The following RBBP4 variants were observed in gnomAD, a reference collection of about 807,000 sequenced individuals.
RBBP4 encodes the protein RB binding protein 4, chromatin remodeling factor.
A neutral mutation model predicts 57.2 loss-of-function variants in RBBP4; 3 were observed. The observed-to-expected ratio is 0.05, with a 90% confidence interval of 0.02 to 0.14. RBBP4 has a LOEUF of 0.14. Ranked by LOEUF, RBBP4 falls within the 10% of genes least tolerant of loss-of-function variation. RBBP4 has a pLI of 1.00. For synonymous variants in RBBP4, 151 were observed against 171.5 expected (o/e 0.88, Z 0.93); for missense variants, 107 against 520.6 (o/e 0.21, Z 7.73).
At chr1:32,654,409 T>C (rs1228564095) in intron 2 of RBBP4, among the ~76,000 whole-genome samples, 6 of 152,164 alleles carry the variant, frequency 3.9e-5, no homozygotes, top group Admixed American at 1.3e-4. Context: ...GAGTACTTAA[T>C]GAGAAGTGTA....
In RBBP4 at chr1:32,652,073, C is replaced by T. The variant is rs779510742; in HGVS notation, c.164+12C>T. ...CCAGATGTAACCAGGTGACATGACT[C>T]TCCCGAACGTTATTTTGATGTATTT... is the stretch of plus-strand genomic sequence containing the variant. On this transcript the variant is annotated intron_variant, in intron 2 of 11. Coordinates refer to ENST00000373493, the MANE Select transcript of RBBP4 (RefSeq NM_005610.3). The T allele has an allele frequency of 6.2e-7, 1 of 1,602,768 alleles. No homozygotes were observed. The highest frequency in any genetic ancestry group is 1.1e-5 in the South Asian group (1 of 89,972).
chr1:32,660,054 T>C (rs1454427253), intron 3 of RBBP4, among the ~76,000 whole-genome samples: 2 of 152,160 alleles, frequency 1.3e-5, no homozygotes, highest in East Asian at 3.8e-4. Flanking sequence ...CTCAGTAGAG[T>C]TCATTCTCAA....
intron 3 of RBBP4, among the ~76,000 whole-genome samples, chr1:32,666,600 G>T (rs1648658676): frequency 6.6e-6 from 1 of 152,032 alleles, no homozygotes; most frequent in Non-Finnish European, 1.5e-5. Flanking sequence ...CAGGTGATCT[G>T]CCCGCTTCAG....
rs981538236 is a variant in RBBP4, at chr1:32,684,720, C to G, written c.*5015C>G. ...AGTTAGTGGGCTGAGTTTCATATACCTCTCCCTCCATGTGCAGGTTTGTTA... is the reference window on the plus strand; with the variant it reads ...AGTTAGTGGGCTGAGTTTCATATACGTCTCCCTCCATGTGCAGGTTTGTTA... On this transcript the variant is annotated 3_prime_UTR_variant, in exon 12 of 12. Coordinates refer to ENST00000373493, the MANE Select transcript of RBBP4 (RefSeq NM_005610.3). The G allele has an allele frequency of 2.9e-5, 6 of 209,598 alleles. No homozygotes were observed. Among genetic ancestry groups the G allele is most frequent in the Non-Finnish European group, 5.8e-5 (6 of 103,126 alleles). 13.0% of individuals were successfully genotyped at this position (209,598 alleles called of 1,614,324 possible). A position where few individuals can be genotyped will look rare whatever the true frequency, so the allele number is the denominator to read the frequency against.
At chr1:32,661,258 G>T (rs1267058465) in intron 3 of RBBP4, among the ~76,000 whole-genome samples, 1 of 150,408 alleles carries the variant, frequency 6.6e-6, no homozygotes, top group African/African-American at 2.4e-5. Context: ...GTATATTCCC[G>T]GTAATGGGAT....
At chr1:32,651,493 G>A in intron 1 of RBBP4, 171 bp downstream of exon 1, 2 of 1,359,700 alleles carry the variant, frequency 1.5e-6, no homozygotes, top group Middle Eastern at 2.6e-4. Context: ...CCAGTTCCCT[G>A]GGACCGATTT....
chr1:32,661,555 A>G (rs146572862), intron 3 of RBBP4, among the ~76,000 whole-genome samples: 5 of 151,772 alleles, frequency 3.3e-5, no homozygotes, highest in African/African-American at 9.7e-5. Context: ...CAGCCTCCCA[A>G]AGTGCTGGGA....
In RBBP4 at chr1:32,668,686, A is replaced by T. The variant is rs1025323982; in HGVS notation, c.485-53A>T. ...TGACCAAAATTCCATTATGCTCAGT[A>T]GGCCCAGAGAGCCAGTGGACTGGGT... is the stretch of plus-strand genomic sequence containing the variant. On this transcript the variant is annotated intron_variant, in intron 4 of 11. Transcript: ENST00000373493. The T allele has an allele frequency of 1.3e-5, 19 of 1,411,470 alleles. No homozygotes were observed. The East Asian group carries it at 3.0e-4, about 22-fold the overall frequency. The allele number at this position is 1,411,470 out of a possible 1,614,324, so 87.4% of individuals were successfully genotyped here.
rs1387774153 is a variant in RBBP4, at chr1:32,651,223, C to G, written c.-84C>G. On this transcript the variant is annotated 5_prime_UTR_variant, in exon 1 of 12. Coordinates refer to ENST00000373493, the MANE Select transcript of RBBP4 (RefSeq NM_005610.3). The stretch of plus-strand genomic sequence containing the variant: ...TGGGGGCGCAGGAAACAATAGAGGC[C>G]GCGCGCACAGAGCGAGCTCTTGCAG... The G allele has an allele frequency of 1.1e-5, 16 of 1,499,428 alleles. No individual in the cohort carries two copies. Among genetic ancestry groups the G allele is most frequent in the Non-Finnish European group, 1.2e-5 (14 of 1,120,614 alleles). The allele number at this position is 1,499,428 out of a possible 1,614,324, so 92.9% of individuals were successfully genotyped here.
intron 3 of RBBP4, among the ~76,000 whole-genome samples, chr1:32,661,759 T>C (rs547446171): frequency 2.0e-5 from 3 of 150,180 alleles, no homozygotes; most frequent in Non-Finnish European, 4.4e-5. Context: ...GAGGCATCTA[T>C]CTGTTTTGAT....
In RBBP4 at chr1:32,668,806, T is replaced by C. The variant is rs938472595; in HGVS notation, c.552T>C (p.Ser184=). The C allele has an allele frequency of 3.1e-6, 5 of 1,614,060 alleles. No individual in the cohort carries two copies. The African/African-American group carries it at 6.7e-5, about 22-fold the overall frequency. ...RGHQKEGYGL[S]WNPNLSGHLL... is the part of the protein sequence containing the mutation. ...ATCAGAAGGAAGGCTATGGGCTTTC[T>C]TGGAACCCAAATCTCAGTGGGCACT... is the stretch of plus-strand genomic sequence containing the variant. The change falls in exon 5 of 12, where the codon TCT becomes TCC. Residue 184 remains serine, a synonymous_variant. Transcript: ENST00000373493.
At position 32,672,445 on chromosome 1, in the gene RBBP4, T is replaced by G; in HGVS notation, c.967-5T>G. On this transcript the variant is annotated splice_region_variant and splice_polypyrimidine_tract_variant and intron_variant, in intron 8 of 11. Coordinates refer to ENST00000373493, the MANE Select transcript of RBBP4 (RefSeq NM_005610.3). The stretch of plus-strand genomic sequence containing the variant: ...CTTTGCTCTTTTCTTCATTCCTATG[T>G]GTAGGTTCAGTGGTCACCTCACAAT... 6.3e-7 allele frequency: 1 copy of G among 1,591,362 alleles called. No homozygotes were observed. Among genetic ancestry groups the G allele is most frequent in the Non-Finnish European group, 8.6e-7 (1 of 1,162,138 alleles).
intron 11 of RBBP4, among the ~76,000 whole-genome samples, chr1:32,676,686 A>G (rs1315833420): frequency 6.6e-6 from 1 of 151,738 alleles, no homozygotes; most frequent in Non-Finnish European, 1.5e-5. Context: ...GTTTCTTTAG[A>G]CCTTTCTGTA....
intron 2 of RBBP4, among the ~76,000 whole-genome samples, chr1:32,653,637 G>GTTTTTGTTTTT (rs1647992545): frequency 4.8e-5 from 1 of 20,782 alleles, no homozygotes; most frequent in Non-Finnish European, 1.7e-4. Context: ...TTGTTTTCTG[G>GTTTTTGTTTTT]TTTTTTTTTT....
At position 32,669,679 on chromosome 1, in the gene RBBP4, A is replaced by G; in HGVS notation, c.966+116A>G. 2.1e-6 allele frequency: 3 copies of G among 1,405,262 alleles called. No homozygotes were observed. The highest frequency in any genetic ancestry group is 2.8e-6 in the Non-Finnish European group (3 of 1,073,416). 87.0% of individuals were successfully genotyped at this position (1,405,262 alleles called of 1,614,324 possible). A position where few individuals can be genotyped will look rare whatever the true frequency, so the allele number is the denominator to read the frequency against. ...GCTGAAGCGGGCGGATCACAAGGTCAGGAGATCGAGACCATCCTGGCTAAC... is the reference window on the plus strand; with the variant it reads ...GCTGAAGCGGGCGGATCACAAGGTCGGGAGATCGAGACCATCCTGGCTAAC... On this transcript the variant is annotated intron_variant, in intron 8 of 11. Transcript: ENST00000373493. This position sits in a 1 kb window ranked among gnomAD's most constrained non-coding sequence, Gnocchi z 4.9.
At chr1:32,677,954 T>G (rs1410149905) in intron 11 of RBBP4, among the ~76,000 whole-genome samples, 1 of 152,202 alleles carries the variant, frequency 6.6e-6, no homozygotes, top group African/African-American at 2.4e-5. Context: ...TGCCGTTGGA[T>G]ACAGGTATTC....
At chr1:32,660,472 A>G (rs1193338560) in intron 3 of RBBP4, among the ~76,000 whole-genome samples, 2 of 151,582 alleles carry the variant, frequency 1.3e-5, no homozygotes, top group African/African-American at 2.4e-5. Context: ...GCTGTAGTGC[A>G]GTGGCGCAAT....
chr1:32,660,442 A>C (rs1648353850), intron 3 of RBBP4, among the ~76,000 whole-genome samples: 1 of 18,848 alleles, frequency 5.3e-5, no homozygotes, highest in Non-Finnish European at 1.5e-4. Flanking sequence ...TTTGAGTCGG[A>C]GTCTGGCTCT....
chr1:32,663,718 A>G (rs1648522263), intron 3 of RBBP4, among the ~76,000 whole-genome samples: 2 of 151,748 alleles, frequency 1.3e-5, no homozygotes, highest in African/African-American at 4.8e-5. Context: ...CTGGGACTAC[A>G]GGCGCCTGCC....
Sources: allele counts gnomAD v4.1 joint callset (sites outside exome capture counted in the v4.1 genomes callset), GRCh38; gene constraint gnomAD v4.1.1; non-coding constraint Gnocchi (gnomAD v3.1); transcripts MANE v1.5; gene names NCBI Gene and HGNC (gene_info 2026-07-23, HGNC 2026-07-21).